ASTN2: variants seen among roughly 807,000 people sequenced by gnomAD.
ASTN2 encodes astrotactin-2.
ASTN2 carries 54 observed loss-of-function variants against 139.8 expected under a neutral mutation model. The ratio of observed to expected loss-of-function variants is 0.39; its 90% CI spans 0.31 to 0.48. The LOEUF is 0.48. Ranked by LOEUF, ASTN2 falls within the 20% of genes least tolerant of loss-of-function variation. ASTN2 has a pLI of 0.95. For missense variants in ASTN2, 1,565 were observed against 1,725.1 expected (o/e 0.91, Z 1.64); for synonymous variants, 756 against 719.5 (o/e 1.05, Z -0.81).
At chr9:116,551,709 G>A (rs1852354723) in intron 19 of ASTN2, among the ~76,000 whole-genome samples, 1 of 152,054 alleles carries the variant, frequency 6.6e-6, no homozygotes. Flanking sequence ...CATAACCCAT[G>A]GATCCCACCT....
At chr9:116,796,010 C>G (rs1830678327) in intron 13 of ASTN2, among the ~76,000 whole-genome samples, 1 of 152,152 alleles carries the variant, frequency 6.6e-6, no homozygotes, top group African/African-American at 2.4e-5. Context: ...GGATCTAGTC[C>G]CTGCATAATC....
At chr9:116,790,665 T>C (rs1000100472) in intron 13 of ASTN2, among the ~76,000 whole-genome samples, 4 of 150,206 alleles carry the variant, frequency 2.7e-5, no homozygotes, top group Non-Finnish European at 5.9e-5. Context: ...CTTCTTCTCT[T>C]TATCTCCAGA....
chr9:116,916,954 G>A (rs1391300305), intron 10 of ASTN2, among the ~76,000 whole-genome samples: 1 of 151,886 alleles, frequency 6.6e-6, no homozygotes, highest in Non-Finnish European at 1.5e-5. Flanking sequence ...AAATGTTATT[G>A]TTCCAGCCAT....
chr9:116,759,016 A>G (rs1257110505), intron 13 of ASTN2, among the ~76,000 whole-genome samples: 1 of 152,176 alleles, frequency 6.6e-6, no homozygotes, highest in Non-Finnish European at 1.5e-5. Flanking sequence ...GCTTGGGACT[A>G]CAGAAGCGTA....
intron 4 of ASTN2, among the ~76,000 whole-genome samples, chr9:117,105,221 T>C (rs992540620): frequency 3.9e-5 from 6 of 152,198 alleles, no homozygotes; most frequent in African/African-American, 9.7e-5. Flanking sequence ...GAAGTGACTC[T>C]GCAGGATTTC....
At chr9:117,243,622 T>C (rs1053839392) in intron 2 of ASTN2, among the ~76,000 whole-genome samples, 35 of 152,176 alleles carry the variant, frequency 2.3e-4, no homozygotes, top group African/African-American at 8.0e-4. Flanking sequence ...ACTACCATCA[T>C]AACGTCACTT....
chr9:116,662,989 TAGG>T lies in ASTN2; in HGVS notation c.2807-11199_2807-11197del, dbSNP rs1858651808. ...CAAAGGAGCTGAGATGGATCATTAATAGGAGAACGCCTTCTCTTTCTTGGGATC... is the reference window on the plus strand; with the variant it reads ...CAAAGGAGCTGAGATGGATCATTAATAGAACGCCTTCTCTTTCTTGGGATC... On this transcript the variant is annotated intron_variant, in intron 16 of 22. Transcript: ENST00000313400. Among the ~76,000 whole-genome samples the T allele has an allele frequency of 2.0e-5, 3 of 152,314 alleles. No individual in the cohort carries two copies. In the South Asian group the frequency reaches 6.2e-4, roughly 32 times the overall value.
At chr9:117,377,864 G>C (rs752952644) in intron 1 of ASTN2, among the ~76,000 whole-genome samples, 2 of 151,906 alleles carry the variant, frequency 1.3e-5, no homozygotes, top group African/African-American at 4.8e-5. Flanking sequence ...AAATAATAGC[G>C]CAATGATTCT....
At chr9:116,779,073 C>T (rs1201471509) in intron 13 of ASTN2, among the ~76,000 whole-genome samples, 1 of 151,300 alleles carries the variant, frequency 6.6e-6, no homozygotes. Context: ...CAACTCTACC[C>T]CATGTAATTT....
At chr9:117,083,333 T>C (rs1477263052) in intron 5 of ASTN2, among the ~76,000 whole-genome samples, 5 of 152,228 alleles carry the variant, frequency 3.3e-5, no homozygotes, top group South Asian at 4.1e-4. Flanking sequence ...TAATAACGCA[T>C]GACACTATTT....
chr9:117,354,534 G>A (rs1014362040), intron 1 of ASTN2, among the ~76,000 whole-genome samples: 3 of 152,068 alleles, frequency 2.0e-5, no homozygotes, highest in Non-Finnish European at 4.4e-5. Flanking sequence ...TCCCTCTTGT[G>A]TGCACCCATG....
intron 12 of ASTN2, 102 bp downstream of exon 12, chr9:116,820,515 A>C: frequency 7.2e-7 from 1 of 1,389,676 alleles, no homozygotes. Context: ...ATTTTATTGA[A>C]GGTCAAGGTT....
intron 17 of ASTN2, among the ~76,000 whole-genome samples, chr9:116,632,205 A>AGAGAGAGAGAGAG (rs1554723308): frequency 2.2e-5 from 1 of 45,302 alleles, no homozygotes; most frequent in Non-Finnish European, 3.8e-5. Flanking sequence ...AGAAAGAAAG[A>AGAGAGAGAGAGAG]AAAGAAAGAA....
intron 16 of ASTN2, among the ~76,000 whole-genome samples, chr9:116,695,422 G>T (rs1263282152): frequency 6.6e-6 from 1 of 152,178 alleles, no homozygotes; most frequent in Non-Finnish European, 1.5e-5. Context: ...AATTGTGCAT[G>T]TCTGCTGCTA....
intron 1 of ASTN2, among the ~76,000 whole-genome samples, chr9:117,408,167 G>A (rs889676907): frequency 2.6e-5 from 4 of 151,940 alleles, no homozygotes; most frequent in Admixed American, 2.6e-4. Context: ...TTTGGCAGGG[G>A]GAGAGGAAAG....
intron 17 of ASTN2, among the ~76,000 whole-genome samples, chr9:116,642,333 A>C (rs1857384361): frequency 6.6e-6 from 1 of 151,856 alleles, no homozygotes; most frequent in East Asian, 1.9e-4. Flanking sequence ...ATACTATATT[A>C]TTTACTGTGC....
intron 11 of ASTN2, among the ~76,000 whole-genome samples, chr9:116,835,681 T>G (rs949023031): frequency 1.3e-5 from 2 of 152,182 alleles, no homozygotes; most frequent in Non-Finnish European, 2.9e-5. Flanking sequence ...CTTGGGTACA[T>G]GTTTTCAGGA....
At chr9:117,335,789 A>G (rs1828863118) in intron 1 of ASTN2, among the ~76,000 whole-genome samples, 1 of 152,110 alleles carries the variant, frequency 6.6e-6, no homozygotes, top group Non-Finnish European at 1.5e-5. Flanking sequence ...AAGAAAAAAA[A>G]AGGGACTTGC....
chr9:117,141,343 C>T lies in ASTN2; in HGVS notation c.1151G>A (p.Arg384Gln), dbSNP rs754562958. Residue 384 changes from arginine to glutamine, a missense_variant, in exon 4 of 23, where the codon CGG (arginine) becomes CAG (glutamine). Transcript: ENST00000313400. Reference protein sequence around the residue: ...LRSTSAGKRKRRSKSRGGISF... With the variant: ...LRSTSAGKRKQRSKSRGGISF... ...GGGCCTACCTCGAGACTTGCTCCTCCGCTTCCTCTTCCCTGCCGATGTGCT... is the reference window on the plus strand; with the variant it reads ...GGGCCTACCTCGAGACTTGCTCCTCTGCTTCCTCTTCCCTGCCGATGTGCT... 20 of 1,367,266 alleles carry T rather than the reference C, an allele frequency of 1.5e-5. No individual in the cohort carries two copies. Among genetic ancestry groups the T allele is most frequent in the Middle Eastern group, 2.1e-4 (1 of 4,790 alleles). The allele number at this position is 1,367,266 out of a possible 1,614,324, so 84.7% of individuals were successfully genotyped here.
Sources: allele counts gnomAD v4.1 joint callset (sites outside exome capture counted in the v4.1 genomes callset), GRCh38; gene constraint gnomAD v4.1.1; transcripts MANE v1.5; gene names NCBI Gene and HGNC (gene_info 2026-07-23, HGNC 2026-07-21).